UBE2H: variants seen among roughly 807,000 people sequenced by gnomAD.
The protein encoded by UBE2H is ubiquitin conjugating enzyme E2 H.
A neutral mutation model predicts 29.0 loss-of-function variants in UBE2H; 3 were observed. That is an observed-to-expected ratio of 0.10 (90% confidence interval 0.05 to 0.27). UBE2H has a LOEUF of 0.27. Among genes scored for constraint, UBE2H ranks in the 10% least tolerant of loss-of-function variants. The probability of loss-of-function intolerance (pLI) is 1.00; values close to 1 mark genes in which losing one functional copy is unlikely to be tolerated. For missense variants in UBE2H, 68 were observed against 228.2 expected, an observed-to-expected ratio of 0.30 and a Z score of 4.52; for synonymous variants, 69 against 82.9, an observed-to-expected ratio of 0.83 and a Z score of 0.91.
At chr7:129,868,477 G>A (rs1276922256) in intron 3 of UBE2H, among the ~76,000 whole-genome samples, 1 of 149,968 alleles carries the variant, frequency 6.7e-6, no homozygotes, top group Non-Finnish European at 1.5e-5. Context: ...CTACTCGGGA[G>A]GCTGAGGCAG....
At chr7:129,930,766 G>A (rs1280137536) in intron 1 of UBE2H, among the ~76,000 whole-genome samples, 1 of 151,616 alleles carries the variant, frequency 6.6e-6, no homozygotes, top group Non-Finnish European at 1.5e-5. Context: ...AAATTAGCCG[G>A]GCATGGTGGT....
chr7:129,901,277 C>A (rs1445372367), intron 1 of UBE2H, among the ~76,000 whole-genome samples: 1 of 152,110 alleles, frequency 6.6e-6, no homozygotes, highest in Non-Finnish European at 1.5e-5. Flanking sequence ...AGGACAGGAG[C>A]CCAGGCAGTC....
chr7:129,926,259 C>T (rs1248112329), intron 1 of UBE2H, among the ~76,000 whole-genome samples: 1 of 151,844 alleles, frequency 6.6e-6, no homozygotes, highest in African/African-American at 2.4e-5. Flanking sequence ...CCTGTAATCC[C>T]AGCACTTTGG....
intron 1 of UBE2H, among the ~76,000 whole-genome samples, chr7:129,945,018 A>C (rs1807735195): frequency 6.6e-6 from 1 of 152,196 alleles, no homozygotes; most frequent in African/African-American, 2.4e-5. Context: ...AACCCACACA[A>C]AAAGAGTATG....
intron 1 of UBE2H, among the ~76,000 whole-genome samples, chr7:129,887,046 G>C (rs1475830940): frequency 6.6e-6 from 1 of 152,024 alleles, no homozygotes; most frequent in African/African-American, 2.4e-5. Context: ...TTGTTACACT[G>C]TTCTCACTAT....
intron 5 of UBE2H, among the ~76,000 whole-genome samples, chr7:129,853,160 G>A (rs1224382005): frequency 6.6e-6 from 1 of 152,188 alleles, no homozygotes; most frequent in East Asian, 1.9e-4. Context: ...AGAGATTAAA[G>A]CTGTATCGCA....
At chr7:129,943,831 G>A (rs1807697203) in intron 1 of UBE2H, among the ~76,000 whole-genome samples, 1 of 152,184 alleles carries the variant, frequency 6.6e-6, no homozygotes, top group Non-Finnish European at 1.5e-5. Context: ...GAACTCAGGA[G>A]GCAGAGGTTG....
At chr7:129,876,415 G>C (rs183246287) in intron 3 of UBE2H, among the ~76,000 whole-genome samples, 1 of 152,282 alleles carries the variant, frequency 6.6e-6, no homozygotes, top group East Asian at 1.9e-4. Context: ...TGAAAAATAT[G>C]AAAGTCTGAA....
chr7:129,885,504 GGTTT>G (rs78561401), intron 1 of UBE2H, among the ~76,000 whole-genome samples: 9,978 of 152,056 alleles, frequency 0.066, 534 homozygotes, highest in East Asian at 0.25. Context: ...TCCATTTTGC[GGTTT>G]GTTTGGAATT....
At position 129,857,292 on chromosome 7, in the gene UBE2H, T is replaced by G. The variant is rs539776066; in HGVS notation, c.298+219A>C. 26 of 562,638 alleles carry G rather than the reference T, an allele frequency of 4.6e-5. 1 individual carries two copies. Among genetic ancestry groups the G allele is most frequent in the Non-Finnish European group, 7.5e-5 (24 of 318,854 alleles). The allele number at this position is 562,638 out of a possible 1,614,324, so 34.9% of individuals were successfully genotyped here. A position where few individuals can be genotyped will look rare whatever the true frequency, so the allele number is the denominator to read the frequency against. ...GCACATGTATCACTATACCTTAAGT[T>G]TGGAATCTCAAAAAATCATTTTAAA... On this transcript the variant is annotated intron_variant, in intron 5 of 6. Transcript: ENST00000355621.
intron 1 of UBE2H, among the ~76,000 whole-genome samples, chr7:129,936,421 C>T (rs1807528904): frequency 6.6e-6 from 1 of 151,764 alleles, no homozygotes; most frequent in Admixed American, 6.6e-5. Context: ...GGTGAAACTC[C>T]GTCTCTACTA....
intron 1 of UBE2H, among the ~76,000 whole-genome samples, chr7:129,915,292 T>C (rs1015531752): frequency 2.0e-5 from 3 of 152,130 alleles, no homozygotes; most frequent in African/African-American, 7.2e-5. Context: ...ATCCCAGCAC[T>C]TTGAGAGGTT....
intron 3 of UBE2H, among the ~76,000 whole-genome samples, chr7:129,871,493 TCACCTGAGGTCAGGAGTTCGA>T (rs987207453): frequency 2.0e-5 from 3 of 152,182 alleles, no homozygotes; most frequent in Admixed American, 6.5e-5. Context: ...GGCAGGCAGA[TCACCTGAGGTCAGGAGTTCGA>T]CACCAGCCTG....
intron 1 of UBE2H, among the ~76,000 whole-genome samples, chr7:129,888,628 C>T (rs759542289): frequency 6.2e-4 from 95 of 152,322 alleles, no homozygotes; most frequent in South Asian, 1.2e-3. Flanking sequence ...GCGCCTGGCA[C>T]CACACCTGGC....
chr7:129,844,361 T>C (rs190504001), intron 5 of UBE2H, among the ~76,000 whole-genome samples: 1 of 152,304 alleles, frequency 6.6e-6, no homozygotes, highest in Admixed American at 6.5e-5. Flanking sequence ...GTGCAGAAAG[T>C]CTTCTTTCAA....
At chr7:129,880,054 T>G (rs1806223604) in intron 2 of UBE2H, among the ~76,000 whole-genome samples, 1 of 152,108 alleles carries the variant, frequency 6.6e-6, no homozygotes, top group South Asian at 2.1e-4. Flanking sequence ...ACAATTCATG[T>G]CTAGTACTGT....
At chr7:129,926,981 G>A (rs544683351) in intron 1 of UBE2H, among the ~76,000 whole-genome samples, 1 of 152,238 alleles carries the variant, frequency 6.6e-6, no homozygotes, top group South Asian at 2.1e-4. Flanking sequence ...CCTCATGAGT[G>A]CCCTCTTGCT....
At chr7:129,911,262 G>A (rs1442819370) in intron 1 of UBE2H, among the ~76,000 whole-genome samples, 1 of 151,992 alleles carries the variant, frequency 6.6e-6, no homozygotes, top group Non-Finnish European at 1.5e-5. Context: ...CAGCTACTCA[G>A]GAGGCTGAGG....
At chr7:129,907,401 A>G (rs576807698) in intron 1 of UBE2H, among the ~76,000 whole-genome samples, 73 of 152,268 alleles carry the variant, frequency 4.8e-4, no homozygotes, top group Non-Finnish European at 6.8e-4. Context: ...ATGATGTCCA[A>G]GGAATATCAT....
Sources: allele counts gnomAD v4.1 joint callset (sites outside exome capture counted in the v4.1 genomes callset), GRCh38; gene constraint gnomAD v4.1.1; transcripts MANE v1.5; gene names NCBI Gene and HGNC (gene_info 2026-07-23, HGNC 2026-07-21).